The following COX6C variants were observed in gnomAD, a reference collection of about 807,000 sequenced individuals.
COX6C encodes the protein cytochrome c oxidase subunit 6C, also known as cytochrome c oxidase polypeptide VIc.
A neutral mutation model predicts 6.9 loss-of-function variants in COX6C; 3 were observed. The ratio of observed to expected loss-of-function variants is 0.43; its 90% CI spans 0.20 to 1.12. COX6C has a LOEUF of 1.12. Ranked by LOEUF, COX6C falls within the 50% of genes most tolerant of loss-of-function variation. The pLI, the probability that COX6C is intolerant of heterozygous loss-of-function variation, is 0.27. For missense variants in COX6C, 101 were observed against 97.3 expected, an observed-to-expected ratio of 1.04 and a Z score of -0.16; for synonymous variants, 32 against 32.0, an observed-to-expected ratio of 1.00 and a Z score of 0.00.
chr8:99,883,292 C>T (rs1817892103), intron 3 of COX6C, among the ~76,000 whole-genome samples: 1 of 151,924 alleles, frequency 6.6e-6, no homozygotes. Context: ...ATAGCTTATG[C>T]AGCCTTAAAC....
intron 3 of COX6C, among the ~76,000 whole-genome samples, chr8:99,884,398 C>A (rs1273698614): frequency 2.0e-5 from 3 of 152,040 alleles, no homozygotes; most frequent in African/African-American, 7.2e-5. Flanking sequence ...AAAAATAATA[C>A]TTAGGAATGT....
chr8:99,887,676 GATTA>G, intron 2 of COX6C, 58 bp from the exon 3 acceptor site: 1 of 1,161,116 alleles, frequency 8.6e-7, no homozygotes, highest in Non-Finnish European at 1.2e-6. Context: ...TTAGATTCCA[GATTA>G]TAATATATAA....
chr8:99,893,677 A>T lies in COX6C; in HGVS notation c.-70T>A, dbSNP rs560413991. On this transcript the variant is annotated 5_prime_UTR_variant, in exon 1 of 4. Coordinates refer to ENST00000520468, the MANE Select transcript of COX6C (RefSeq NM_004374.4). ...TCCTTCCTGACTAAAGGAAAAACGAACCGTGCTGTAGCCGCGCGCAGGCGC... is the reference window on the plus strand; with the variant it reads ...TCCTTCCTGACTAAAGGAAAAACGATCCGTGCTGTAGCCGCGCGCAGGCGC... 2 of 152,422 alleles carry T rather than the reference A, an allele frequency of 1.3e-5. No homozygotes were observed. The highest frequency in any genetic ancestry group is 1.3e-4 in the Admixed American group (2 of 15,314). The allele number at this position is 152,422 out of a possible 1,614,324, so 9.4% of individuals were successfully genotyped here. A position where few individuals can be genotyped will look rare whatever the true frequency, so the allele number is the denominator to read the frequency against.
At chr8:99,892,949 G>GTAT (rs1818077639) in intron 1 of COX6C, 1 of 152,214 alleles carries the variant, frequency 6.6e-6, no homozygotes. Context: ...TTAAAACCTG[G>GTAT]ACGGGAACGC....
intron 1 of COX6C, among the ~76,000 whole-genome samples, chr8:99,892,292 G>T (rs1035453477): frequency 1.3e-5 from 2 of 152,032 alleles, no homozygotes; most frequent in African/African-American, 2.4e-5. Flanking sequence ...CTGGGATTCC[G>T]GCCTACAAGT....
chr8:99,880,670 C>G (rs900465811), intron 3 of COX6C, among the ~76,000 whole-genome samples: 1 of 151,634 alleles, frequency 6.6e-6, no homozygotes, highest in Non-Finnish European at 1.5e-5. Context: ...AGTTCAAGAC[C>G]AGCCCAGGCA....
chr8:99,883,433 ATGTGTG>A (rs1272786254), intron 3 of COX6C, among the ~76,000 whole-genome samples: 4 of 145,670 alleles, frequency 2.7e-5, no homozygotes, highest in Admixed American at 1.4e-4. Context: ...GTATATATGT[ATGTGTG>A]TGTGTGTGTG....
chr8:99,887,343 T>C, intron 3 of COX6C, 147 bp downstream of exon 3: 2 of 492,470 alleles, frequency 4.1e-6, no homozygotes, highest in Non-Finnish European at 7.1e-6. Context: ...AAATTCAAAG[T>C]ATGGTTTCTA....
chr8:99,893,481 C>T (rs944504149), intron 1 of COX6C, 158 bp downstream of exon 1: 1 of 152,340 alleles, frequency 6.6e-6, no homozygotes, highest in Admixed American at 6.5e-5. Flanking sequence ...CCTCAGGCCG[C>T]AGCGGAAGCG....
intron 3 of COX6C, among the ~76,000 whole-genome samples, chr8:99,884,265 A>G (rs765091904): frequency 2.0e-5 from 3 of 152,244 alleles, no homozygotes; most frequent in Non-Finnish European, 2.9e-5. Flanking sequence ...AAGTGTCAGA[A>G]TACATGAATT....
intron 2 of COX6C, among the ~76,000 whole-genome samples, chr8:99,890,704 G>A (rs1481426724): frequency 6.6e-6 from 1 of 152,130 alleles, no homozygotes; most frequent in Non-Finnish European, 1.5e-5. Context: ...CTTTCATGGG[G>A]TATTATGACA....
At chr8:99,886,941 C>A (rs1371477190) in intron 3 of COX6C, 1 of 152,234 alleles carries the variant, frequency 6.6e-6, no homozygotes, top group African/African-American at 2.4e-5. Context: ...GAACTTAACA[C>A]TACTAAACTG....
intron 3 of COX6C, among the ~76,000 whole-genome samples, chr8:99,884,368 A>T (rs973586037): frequency 6.6e-6 from 1 of 152,212 alleles, no homozygotes; most frequent in Non-Finnish European, 1.5e-5. Context: ...TAAGAAAATA[A>T]TTCTATTTAT....
At chr8:99,883,493 G>T (rs953468988) in intron 3 of COX6C, among the ~76,000 whole-genome samples, 15 of 148,400 alleles carry the variant, frequency 1.0e-4, no homozygotes, top group South Asian at 6.4e-4. Flanking sequence ...GTAGAGATGG[G>T]GTCTTGCCAT....
At position 99,883,473 on chromosome 8, in the gene COX6C, T is replaced by A. The variant is rs533743478; in HGVS notation, c.*15+4017A>T. Among the ~76,000 whole-genome samples, 416 of 139,474 alleles carry A rather than the reference T, an allele frequency of 3.0e-3. 2 individuals are homozygous for A. The highest frequency in any genetic ancestry group is 4.3e-3 in the Non-Finnish European group (271 of 63,002). 91.5% of individuals were successfully genotyped at this position (139,474 alleles called of 152,430 possible). A position where few individuals can be genotyped will look rare whatever the true frequency, so the allele number is the denominator to read the frequency against. On this transcript the variant is annotated intron_variant, in intron 3 of 3. Coordinates refer to ENST00000520468, the MANE Select transcript of COX6C (RefSeq NM_004374.4). ...TGTGTGTATATATATATATATATATTTTTTTTTTGGTAGAGATGGGGTCTT... is the reference window on the plus strand; with the variant it reads ...TGTGTGTATATATATATATATATATATTTTTTTTGGTAGAGATGGGGTCTT...
intron 2 of COX6C, among the ~76,000 whole-genome samples, chr8:99,889,193 A>G (rs1251640797): frequency 6.6e-6 from 1 of 152,126 alleles, no homozygotes; most frequent in African/African-American, 2.4e-5. Flanking sequence ...TCAAGGACCA[A>G]AAGACTTTGT....
intron 2 of COX6C, among the ~76,000 whole-genome samples, chr8:99,888,391 T>C (rs1195822590): frequency 1.3e-5 from 2 of 151,982 alleles, no homozygotes; most frequent in Non-Finnish European, 2.9e-5. Context: ...GCCAACATGA[T>C]GAAACCCCAT....
chr8:99,890,632 A>G (rs1818019688), intron 2 of COX6C, among the ~76,000 whole-genome samples: 1 of 152,252 alleles, frequency 6.6e-6, no homozygotes, highest in East Asian at 1.9e-4. Flanking sequence ...ACAGCCCAGT[A>G]AAGAACATAA....
In COX6C at chr8:99,891,943, A is replaced by G; in HGVS notation, c.79T>C (p.Phe27Leu). The G allele has an allele frequency of 1.2e-6, 2 of 1,614,164 alleles. No homozygotes were observed. The highest frequency in any genetic ancestry group is 1.7e-6 in the Non-Finnish European group (2 of 1,180,036). ...GCTGCAACCCCCAGGGATAGCACGA[A>G]TGCTACAGCCATATGATTTCGCAGA... ...RRLRNHMAVA[F>L]VLSLGVAALY... The change falls in exon 2 of 4, where the codon TTC becomes CTC. Residue 27 changes from phenylalanine (F) to leucine (L), a missense_variant. Phe to Leu is a conservative substitution (Grantham distance 22). Transcript: ENST00000520468.
Sources: allele counts gnomAD v4.1 joint callset (sites outside exome capture counted in the v4.1 genomes callset), GRCh38; gene constraint gnomAD v4.1.1; transcripts MANE v1.5; gene names NCBI Gene and HGNC (gene_info 2026-07-23, HGNC 2026-07-21).